The following SEMA6D variants were observed in gnomAD, a reference collection of about 807,000 sequenced individuals.
SEMA6D encodes the protein semaphorin-6D.
Under a neutral mutation model 106.6 loss-of-function variants are expected in SEMA6D, and 35 were observed. The ratio of observed to expected loss-of-function variants is 0.33; its 90% CI spans 0.25 to 0.44. The LOEUF (loss-of-function observed/expected upper bound fraction) is 0.44. SEMA6D is among the 20% of genes least tolerant of loss of function. SEMA6D has a pLI of 1.00. For synonymous variants in SEMA6D, 499 were observed against 487.7 expected (o/e 1.02, Z -0.31); for missense variants, 1,185 against 1,345.9 (o/e 0.88, Z 1.87).
intron 8 of SEMA6D, 47 bp from the exon 9 acceptor site, chr15:47,762,969 A>C (rs2082143643): frequency 6.9e-7 from 1 of 1,447,030 alleles, no homozygotes; most frequent in African/African-American, 1.4e-5. Flanking sequence ...TCTTATGCTA[A>C]TTGAATTATC....
At chr15:47,637,734 G>T (rs1027179704) in intron 4 of SEMA6D, among the ~76,000 whole-genome samples, 4 of 152,086 alleles carry the variant, frequency 2.6e-5, no homozygotes, top group Admixed American at 2.6e-4. Flanking sequence ...ACAAGTAGTG[G>T]CCTAATAAAA....
chr15:47,226,731 C>A (rs1288153703), intron 1 of SEMA6D, among the ~76,000 whole-genome samples: 1 of 151,938 alleles, frequency 6.6e-6, no homozygotes, highest in Non-Finnish European at 1.5e-5. Flanking sequence ...AGACATATGC[C>A]TGCTTGCGAA....
intron 4 of SEMA6D, among the ~76,000 whole-genome samples, chr15:47,704,665 G>A (rs1349236196): frequency 1.3e-5 from 2 of 152,040 alleles, no homozygotes; most frequent in Non-Finnish European, 2.9e-5. Flanking sequence ...GAGCCATGGA[G>A]CCATGATCAT....
chr15:47,190,040 T>G (rs1893856917), intron 1 of SEMA6D, among the ~76,000 whole-genome samples: 1 of 152,248 alleles, frequency 6.6e-6, no homozygotes, highest in Non-Finnish European at 1.5e-5. Flanking sequence ...ATTCGCATTG[T>G]GCAGCTCAAT....
At chr15:47,370,586 T>C (rs1004166348) in intron 1 of SEMA6D, among the ~76,000 whole-genome samples, 23 of 150,304 alleles carry the variant, frequency 1.5e-4, no homozygotes, top group African/African-American at 4.7e-4. Context: ...GGCTCACGCC[T>C]GTAATCCTAG....
intron 4 of SEMA6D, among the ~76,000 whole-genome samples, chr15:47,708,610 T>A (rs2078958861): frequency 6.6e-6 from 1 of 152,228 alleles, no homozygotes; most frequent in Non-Finnish European, 1.5e-5. Context: ...CACTTATTAT[T>A]CCATCCATCA....
chr15:47,443,561 C>T (rs947261718), intron 2 of SEMA6D, among the ~76,000 whole-genome samples: 13 of 152,184 alleles, frequency 8.5e-5, no homozygotes, highest in Admixed American at 6.5e-4. Flanking sequence ...ATGAGAGACT[C>T]CAGCCAGAAC....
chr15:47,634,221 C>A (rs1489491684), intron 4 of SEMA6D, among the ~76,000 whole-genome samples: 4 of 152,138 alleles, frequency 2.6e-5, no homozygotes, highest in Non-Finnish European at 5.9e-5. Flanking sequence ...AAATGGGTCA[C>A]TTACTCATAG....
At chr15:47,655,124 C>T (rs937936620) in intron 4 of SEMA6D, among the ~76,000 whole-genome samples, 7 of 152,196 alleles carry the variant, frequency 4.6e-5, no homozygotes, top group Non-Finnish European at 7.3e-5. Context: ...TCTTTCCCTC[C>T]ATACCTTTCT....
chr15:47,661,399 A>T (rs1418256880), intron 4 of SEMA6D, among the ~76,000 whole-genome samples: 1 of 152,244 alleles, frequency 6.6e-6, no homozygotes, highest in Non-Finnish European at 1.5e-5. Context: ...TTTTAGAATT[A>T]AGATTTCTAA....
intron 2 of SEMA6D, among the ~76,000 whole-genome samples, chr15:47,447,798 C>T (rs1216464656): frequency 3.9e-5 from 6 of 152,094 alleles, no homozygotes; most frequent in African/African-American, 1.2e-4. Flanking sequence ...TCTGCATAGA[C>T]GTGGTGCTCA....
chr15:47,598,054 A>G (rs1272223246), intron 3 of SEMA6D, among the ~76,000 whole-genome samples: 1 of 151,938 alleles, frequency 6.6e-6, no homozygotes, highest in Non-Finnish European at 1.5e-5. Context: ...TTTCAGAAGA[A>G]CTCTGAATTT....
chr15:47,450,118 T>C (rs960295991), intron 2 of SEMA6D, among the ~76,000 whole-genome samples: 4 of 152,056 alleles, frequency 2.6e-5, no homozygotes, highest in Admixed American at 6.6e-5. Flanking sequence ...TCAGAGCCCA[T>C]TGCACAGGCA....
At chr15:47,283,660 C>T (rs2035232976) in intron 1 of SEMA6D, among the ~76,000 whole-genome samples, 1 of 152,172 alleles carries the variant, frequency 6.6e-6, no homozygotes, top group Non-Finnish European at 1.5e-5. Context: ...CCTCTACTTT[C>T]CCACCATGCT....
rs139959043 is a variant in SEMA6D at position 47,254,225 on chromosome 15, A to G, written c.-239+69807A>G. ...ACTTTCTTGAATTCATTTATTAGTT[A>G]TAATAGTTTTTGGTGAAGTCTTTGA... On this transcript the variant is annotated intron_variant, in intron 1 of 19. Coordinates refer to the SEMA6D transcript ENST00000558014. Among the ~76,000 whole-genome samples the G allele has an allele frequency of 1.7e-3, 249 of 150,318 alleles. 1 individual carries two copies. The highest frequency in any genetic ancestry group is 5.7e-3 in the African/African-American group (234 of 41,134).
intron 1 of SEMA6D, among the ~76,000 whole-genome samples, chr15:47,230,151 C>T (rs1023081543): frequency 1.1e-4 from 16 of 152,036 alleles, no homozygotes; most frequent in Non-Finnish European, 2.1e-4. Flanking sequence ...ATTAAGCAAT[C>T]TGCAAAACTT....
At chr15:47,459,796 G>C (rs937312176) in intron 2 of SEMA6D, among the ~76,000 whole-genome samples, 22 of 151,984 alleles carry the variant, frequency 1.4e-4, no homozygotes, top group African/African-American at 5.3e-4. Flanking sequence ...TACTTAAAAA[G>C]ATTTCATCTC....
At chr15:47,532,025 C>G (rs1211175486) in intron 3 of SEMA6D, among the ~76,000 whole-genome samples, 1 of 152,158 alleles carries the variant, frequency 6.6e-6, no homozygotes, top group East Asian at 1.9e-4. Context: ...TACACTCCAG[C>G]CCCACTCCCG....
At position 47,673,786 on chromosome 15, in the gene SEMA6D, C is replaced by T. The variant is rs566676145; in HGVS notation, c.-55+72890C>T. ...ATTAAGTTTGCAAACTAGCCTGATG[C>T]CTGCAGAAGTGCCCTCCTACCCCCA... On this transcript the variant is annotated intron_variant, in intron 4 of 19. Transcript: ENST00000558014. Among the ~76,000 whole-genome samples, 3 of 152,258 alleles carry T rather than the reference C, an allele frequency of 2.0e-5. No individual in the cohort carries two copies. In the South Asian group the frequency reaches 6.2e-4, roughly 32 times the overall value.
Sources: gnomAD v4.1 joint callset for allele counts (sites outside exome capture counted in the v4.1 genomes callset) on GRCh38, gnomAD v4.1.1 for gene constraint, MANE v1.5 for transcripts, NCBI Gene and HGNC (gene_info 2026-07-23, HGNC 2026-07-21) for gene names.